Variants in FIG4 observed in about 807,000 individuals in gnomAD.
The protein encoded by FIG4 is FIG4 phosphoinositide 5-phosphatase.
In FIG4, 112 loss-of-function variants were observed where a neutral mutation model predicts 118.6. The ratio of observed to expected loss-of-function variants is 0.94; its 90% CI spans 0.81 to 1.11. FIG4 has a LOEUF of 1.11. Among genes scored for constraint, FIG4 ranks in the 50% least tolerant of loss-of-function variants. FIG4 has a pLI of 0.00. For synonymous variants in FIG4, 369 were observed against 381.2 expected (o/e 0.97, Z 0.37); for missense variants, 969 against 1,111.7 (o/e 0.87, Z 1.83).
In FIG4 at chr6:109,706,846, T is replaced by A. The variant is rs1775082957; in HGVS notation, c.67-8232T>A. ...CATTTTTTAAGTCCTCAAGAAGGGC[T>A]CCCTTTTCTGCTAACAAGCACGTAT... On this transcript the variant is annotated intron_variant, in intron 1 of 22. Coordinates refer to ENST00000230124, the MANE Select transcript of FIG4 (RefSeq NM_014845.6). 2.0e-5 allele frequency among the ~76,000 whole-genome samples: 3 copies of A among 152,272 alleles called. No individual in the cohort carries two copies. The South Asian group carries it at 6.2e-4, about 32-fold the overall frequency.
At position 109,693,196 on chromosome 6, in the gene FIG4, C is replaced by A. The variant is rs574681644; in HGVS notation, c.66+1695C>A. ...TCCTCAACTTGTCTATCTAGTTTTA[C>A]ATCTAATTTAATATCAATTAATGAA... On this transcript the variant is annotated intron_variant, in intron 1 of 22. Coordinates refer to ENST00000230124, the MANE Select transcript of FIG4 (RefSeq NM_014845.6). Among the ~76,000 whole-genome samples, 5 of 152,310 alleles carry A rather than the reference C, an allele frequency of 3.3e-5. No individual in the cohort carries two copies. The South Asian group carries it at 8.3e-4, about 25-fold the overall frequency.
In FIG4 at chr6:109,716,491, A is replaced by G; in HGVS notation, c.212A>G (p.Asp71Gly). The stretch of plus-strand genomic sequence containing the variant: ...GTAAGGGAACTTCTTGGCCGCTTGG[A>G]TCTTGGAAATAGAACAAAGATGGGA... ...QEVRELLGRL[D>G]LGNRTKMGQK... Residue 71 changes from aspartate to glycine, a missense_variant, in exon 3 of 23, where the codon GAT becomes GGT. Around this residue, in one of 3 missense-constraint regions of FIG4, gnomAD observed 393 missense variants for 409.4 expected, o/e 0.96. Transcript: ENST00000230124. The G allele has an allele frequency of 6.2e-7, 1 of 1,613,876 alleles. No homozygotes were observed.
At chr6:109,720,703 G>T (rs775893127) in intron 3 of FIG4, among the ~76,000 whole-genome samples, 1 of 152,248 alleles carries the variant, frequency 6.6e-6, no homozygotes, top group East Asian at 1.9e-4. Context: ...TAAATCCTTC[G>T]TCTCAATTTG....
chr6:109,726,028 A>G (rs1400312883), intron 3 of FIG4, among the ~76,000 whole-genome samples: 1 of 152,184 alleles, frequency 6.6e-6, no homozygotes, highest in Non-Finnish European at 1.5e-5. Flanking sequence ...GATTGCAACA[A>G]TCTTCTCCCG....
At chr6:109,720,378 A>G (rs1174797769) in intron 3 of FIG4, among the ~76,000 whole-genome samples, 1 of 152,258 alleles carries the variant, frequency 6.6e-6, no homozygotes, top group African/African-American at 2.4e-5. Flanking sequence ...TTCTGTGGCT[A>G]AAATATTTTC....
chr6:109,736,969 A>G (rs1044649909), intron 6 of FIG4, among the ~76,000 whole-genome samples: 16 of 151,896 alleles, frequency 1.1e-4, no homozygotes, highest in African/African-American at 3.4e-4. Context: ...ATTACCTGAC[A>G]CTCATACTCC....
chr6:109,787,151 A>G (rs1777989909), intron 18 of FIG4, among the ~76,000 whole-genome samples: 1 of 152,188 alleles, frequency 6.6e-6, no homozygotes, highest in African/African-American at 2.4e-5. Context: ...ACCTTCAGAC[A>G]CATTTCATTC....
At chr6:109,763,912 T>A (rs376400660) in intron 12 of FIG4, 25 bp from the exon 13 acceptor site, 107 of 1,569,244 alleles carry the variant, frequency 6.8e-5, no homozygotes, top group Middle Eastern at 1.7e-4. Context: ...TTAAGTTTTT[T>A]AAAAGTGTTT....
chr6:109,719,344 A>C (rs1775535366), intron 3 of FIG4, among the ~76,000 whole-genome samples: 1 of 151,582 alleles, frequency 6.6e-6, no homozygotes, highest in South Asian at 2.1e-4. Context: ...TCACTTATTG[A>C]ACTGTGTGGG....
In FIG4 at chr6:109,715,064, C is replaced by A. The variant is rs779763490; in HGVS notation, c.67-14C>A. The A allele has an allele frequency of 6.8e-7, 1 of 1,461,810 alleles. No individual in the cohort carries two copies. 90.6% of individuals were successfully genotyped at this position (1,461,810 alleles called of 1,614,324 possible). On this transcript the variant is annotated splice_polypyrimidine_tract_variant and intron_variant, in intron 1 of 22. Transcript: ENST00000230124. Reference sequence around the variant, plus strand: ...ATGCTTTGATAAACTAATGACATTCCTTTTTATTTATAGAGATACTTTCTA... The same window carrying A: ...ATGCTTTGATAAACTAATGACATTCATTTTTATTTATAGAGATACTTTCTA...
chr6:109,706,513 C>T (rs894368149), intron 1 of FIG4, among the ~76,000 whole-genome samples: 12 of 152,162 alleles, frequency 7.9e-5, no homozygotes, highest in African/African-American at 1.9e-4. Flanking sequence ...AACAGATTGG[C>T]GCATTTTCCC....
chr6:109,811,972 A>G (rs543582282), intron 22 of FIG4, among the ~76,000 whole-genome samples: 27 of 152,258 alleles, frequency 1.8e-4, no homozygotes, highest in Non-Finnish European at 2.9e-4. Flanking sequence ...CTCAAATCTC[A>G]TCTTGAATTA....
At position 109,755,104 on chromosome 6, in the gene FIG4, T is replaced by G. The variant is rs570904542; in HGVS notation, c.1138-5146T>G. ...TATAAATTTCACTCTGCACACTGCT[T>G]TGAATGTGTCCCAGAGATTCTGGTA... On this transcript the variant is annotated intron_variant, in intron 10 of 22. Transcript: ENST00000230124. 3.6e-3 allele frequency among the ~76,000 whole-genome samples: 551 copies of G among 152,314 alleles called. 2 individuals are homozygous for G. Among genetic ancestry groups the G allele is most frequent in the Non-Finnish European group, 5.1e-3 (348 of 68,020 alleles).
chr6:109,815,075 TA>T (rs1778823391), intron 22 of FIG4, among the ~76,000 whole-genome samples: 1 of 152,172 alleles, frequency 6.6e-6, no homozygotes, highest in African/African-American at 2.4e-5. Context: ...CATAAGTTCA[TA>T]CTGATTCTTC....
intron 22 of FIG4, among the ~76,000 whole-genome samples, chr6:109,814,447 A>ATT (rs76859106): frequency 6.6e-6 from 1 of 150,826 alleles, no homozygotes; most frequent in South Asian, 2.1e-4. Flanking sequence ...TGGCCTAATG[A>ATT]TTTTTTTTTT....
intron 12 of FIG4, 142 bp downstream of exon 12, chr6:109,762,349 A>G (rs573739307): frequency 1.5e-6 from 1 of 676,298 alleles, no homozygotes; most frequent in South Asian, 1.5e-5. Context: ...TGAGTGCTGA[A>G]TGTTCACTGG....
At chr6:109,804,789 G>C (rs1778517497) in intron 22 of FIG4, among the ~76,000 whole-genome samples, 2 of 152,010 alleles carry the variant, frequency 1.3e-5, no homozygotes, top group South Asian at 4.1e-4. Context: ...AATTTTATGG[G>C]AACAGAAAGT....
At chr6:109,757,627 A>G (rs1033418730) in intron 10 of FIG4, among the ~76,000 whole-genome samples, 1 of 152,222 alleles carries the variant, frequency 6.6e-6, no homozygotes, top group African/African-American at 2.4e-5. Flanking sequence ...ATCAGGCAAG[A>G]GAAAGAAATA....
intron 21 of FIG4, among the ~76,000 whole-genome samples, chr6:109,793,759 T>G (rs539572164): frequency 1.3e-5 from 2 of 152,170 alleles, no homozygotes; most frequent in African/African-American, 4.8e-5. Flanking sequence ...TTTCAATTAA[T>G]AAAAACTACT....
Sources: allele counts gnomAD v4.1 joint callset (sites outside exome capture counted in the v4.1 genomes callset), GRCh38; gene constraint gnomAD v4.1.1; regional missense constraint gnomAD v4.1.1; transcripts MANE v1.5; gene names NCBI Gene and HGNC (gene_info 2026-07-23, HGNC 2026-07-21).